NRXN3: variants seen among roughly 807,000 people sequenced by gnomAD.
The protein encoded by NRXN3 is neurexin III.
NRXN3 carries 32 observed loss-of-function variants against 137.6 expected under a neutral mutation model. That is an observed-to-expected ratio of 0.23 (90% confidence interval 0.18 to 0.31). The LOEUF (loss-of-function observed/expected upper bound fraction) is 0.31. Ranked by LOEUF, NRXN3 falls within the 10% of genes least tolerant of loss-of-function variation. The probability of loss-of-function intolerance (pLI) is 1.00; values close to 1 mark genes in which losing one functional copy is unlikely to be tolerated. For synonymous variants in NRXN3, 798 were observed against 784.5 expected, an observed-to-expected ratio of 1.02 and a Z score of -0.29; for missense variants, 1,574 against 2,062.5, an observed-to-expected ratio of 0.76 and a Z score of 4.59.
At chr14:78,656,609 A>C (rs1195963794) in intron 6 of NRXN3, among the ~76,000 whole-genome samples, 2 of 152,090 alleles carry the variant, frequency 1.3e-5, no homozygotes, top group Non-Finnish European at 2.9e-5. Context: ...GGAGCCATTG[A>C]AGGACCTTAT....
chr14:79,777,994 G>A (rs1309512222), intron 19 of NRXN3, among the ~76,000 whole-genome samples: 3 of 151,472 alleles, frequency 2.0e-5, no homozygotes, highest in African/African-American at 7.3e-5. Context: ...GCTTTTCTAT[G>A]CACTGTAACT....
At chr14:79,117,685 G>GA (rs112906895) in intron 15 of NRXN3, among the ~76,000 whole-genome samples, 5 of 151,718 alleles carry the variant, frequency 3.3e-5, no homozygotes, top group African/African-American at 2.4e-5. Flanking sequence ...AAAAAGAAAA[G>GA]AAAAAAAAGC....
At chr14:78,757,544 TC>T (rs1455011176) in intron 8 of NRXN3, among the ~76,000 whole-genome samples, 2 of 152,174 alleles carry the variant, frequency 1.3e-5, no homozygotes, top group Non-Finnish European at 2.9e-5. Context: ...ATGGAGTCTG[TC>T]TATGCTAGTC....
intron 20 of NRXN3, among the ~76,000 whole-genome samples, chr14:79,842,667 T>C (rs2099358533): frequency 6.6e-6 from 1 of 152,202 alleles, no homozygotes; most frequent in Admixed American, 6.5e-5. Flanking sequence ...ATGAGATATA[T>C]ATATATAGTA....
intron 6 of NRXN3, among the ~76,000 whole-genome samples, chr14:78,691,803 C>T (rs1567070146): frequency 6.6e-6 from 1 of 152,150 alleles, no homozygotes; most frequent in Non-Finnish European, 1.5e-5. Flanking sequence ...TTCTAACCTC[C>T]ATCCTTGAAT....
chr14:79,647,695 C>G (rs2098458663), intron 16 of NRXN3, among the ~76,000 whole-genome samples: 1 of 135,606 alleles, frequency 7.4e-6, no homozygotes, highest in Admixed American at 7.8e-5. Flanking sequence ...TACATTTTGG[C>G]AGGCACTTCA....
chr14:79,621,446 GA>G (rs988978146), intron 16 of NRXN3, among the ~76,000 whole-genome samples: 1 of 152,224 alleles, frequency 6.6e-6, no homozygotes, highest in African/African-American at 2.4e-5. Context: ...ATAACTTTAT[GA>G]GTCCTTTGCC....
chr14:79,428,962 A>G (rs947520440), intron 15 of NRXN3, among the ~76,000 whole-genome samples: 2 of 152,206 alleles, frequency 1.3e-5, no homozygotes, highest in African/African-American at 4.8e-5. Context: ...TTGTTAGACT[A>G]TTTAACAAAT....
At chr14:79,431,406 T>G (rs1178212420) in intron 15 of NRXN3, among the ~76,000 whole-genome samples, 1 of 152,210 alleles carries the variant, frequency 6.6e-6, no homozygotes, top group Non-Finnish European at 1.5e-5. Flanking sequence ...TATTAATTGT[T>G]GGCTCTATGC....
At chr14:79,320,205 T>C (rs1028260077) in intron 15 of NRXN3, among the ~76,000 whole-genome samples, 29 of 152,260 alleles carry the variant, frequency 1.9e-4, no homozygotes, top group Admixed American at 1.2e-3. Flanking sequence ...AAAACACGTC[T>C]ATGAAATGCT....
At chr14:79,681,148 C>T (rs2098668149) in intron 17 of NRXN3, among the ~76,000 whole-genome samples, 3 of 152,160 alleles carry the variant, frequency 2.0e-5, no homozygotes, top group Admixed American at 2.0e-4. Context: ...GCAACAGGGG[C>T]CCAGCTGTCC....
At chr14:78,776,977 A>G (rs541763173) in intron 8 of NRXN3, among the ~76,000 whole-genome samples, 1 of 152,274 alleles carries the variant, frequency 6.6e-6, no homozygotes, top group African/African-American at 2.4e-5. Context: ...TCAGAGCCCT[A>G]CTTTGAAAAC....
intron 15 of NRXN3, among the ~76,000 whole-genome samples, chr14:79,027,183 T>A (rs1035495001): frequency 2.6e-5 from 4 of 151,518 alleles, no homozygotes; most frequent in African/African-American, 9.7e-5. Context: ...AGCCATATAT[T>A]CTTTTTTTTT....
At chr14:79,695,431 C>T (rs552040139) in intron 18 of NRXN3, among the ~76,000 whole-genome samples, 2 of 152,014 alleles carry the variant, frequency 1.3e-5, no homozygotes, top group South Asian at 4.2e-4. Context: ...GATTCGCCAG[C>T]AGTTGTGTGC....
intron 4 of NRXN3, among the ~76,000 whole-genome samples, chr14:78,608,153 G>A (rs925759723): frequency 4.6e-5 from 7 of 152,304 alleles, no homozygotes; most frequent in Non-Finnish European, 7.4e-5. Flanking sequence ...GGAGATGGTG[G>A]TAGTTTTAGC....
At chr14:79,049,794 A>G (rs1289930641) in intron 15 of NRXN3, among the ~76,000 whole-genome samples, 1 of 152,106 alleles carries the variant, frequency 6.6e-6, no homozygotes, top group East Asian at 1.9e-4. Flanking sequence ...ATAAGATGAG[A>G]TATACCTATA....
At chr14:78,305,146 A>G (rs1284527014) in intron 4 of NRXN3, among the ~76,000 whole-genome samples, 1 of 152,184 alleles carries the variant, frequency 6.6e-6, no homozygotes, top group East Asian at 1.9e-4. Context: ...CCTTGGCACT[A>G]CCTTCGGAGA....
intron 15 of NRXN3, among the ~76,000 whole-genome samples, chr14:79,456,699 C>G (rs2096262525): frequency 6.6e-6 from 1 of 151,758 alleles, no homozygotes; most frequent in South Asian, 2.1e-4. Flanking sequence ...ACACTCCAGC[C>G]TGGGTGACAG....
Position 79,076,276 on chromosome 14 carries a change from CAAAT to C in NRXN3, c.3262+88138_3262+88141del, listed in dbSNP as rs146193058. On this transcript the variant is annotated intron_variant, in intron 15 of 20. Transcript: ENST00000335750. Reference sequence around the variant, plus strand: ...ATATTAGTTCTCTATTGCTGCATAACAAATAACTCCAAAACGTAGCAGCTCAAAA... The same window carrying C: ...ATATTAGTTCTCTATTGCTGCATAACAACTCCAAAACGTAGCAGCTCAAAA... Among the ~76,000 whole-genome samples the C allele has an allele frequency of 8.0e-3, 1,224 of 152,254 alleles. 12 individuals are homozygous for C. The highest frequency in any genetic ancestry group is 0.028 in the African/African-American group (1,147 of 41,554).
Sources: allele counts gnomAD v4.1 joint callset (sites outside exome capture counted in the v4.1 genomes callset), GRCh38; gene constraint gnomAD v4.1.1; transcripts MANE v1.5; gene names NCBI Gene and HGNC (gene_info 2026-07-23, HGNC 2026-07-21).